LRTM3: variants seen among roughly 807,000 people sequenced by gnomAD.
LRTM3 encodes leucine-rich repeat transmembrane protein 3.
the LRTM3 span, chr13:102,747,105 A>G: frequency 6.4e-7 from 1 of 1,550,958 alleles, no homozygotes; most frequent in Non-Finnish European, 8.7e-7. Context: ...TCATCTTGCA[A>G]TTTAGCATCT....
At chr13:102,749,085 C>A in the LRTM3 span, 6 of 1,549,918 alleles carry the variant, frequency 3.9e-6, no homozygotes, top group Non-Finnish European at 5.2e-6. Context: ...AAAGCTATAT[C>A]TGATATATCT....
At chr13:102,736,749 A>G in the LRTM3 span, 1 of 1,550,666 alleles carries the variant, frequency 6.4e-7, no homozygotes, top group Non-Finnish European at 8.7e-7. Flanking sequence ...ACAGCTATGT[A>G]CTCGGGATGC....
chr13:102,737,153 A>G, the LRTM3 span: 2 of 1,550,956 alleles, frequency 1.3e-6, no homozygotes, highest in African/African-American at 2.7e-5. Flanking sequence ...TTCAGGTTGC[A>G]TTATATAATC....
chr13:102,734,981 A>G, the LRTM3 span: 2 of 1,551,190 alleles, frequency 1.3e-6, no homozygotes, highest in Non-Finnish European at 1.7e-6. Context: ...ATCTGGTGAT[A>G]CCTGGAGTTT....
At chr13:102,730,488 G>A in the LRTM3 span, 1 of 1,551,420 alleles carries the variant, frequency 6.4e-7, no homozygotes, top group Non-Finnish European at 8.7e-7. Context: ...TTTCTTTCTT[G>A]AAACCATACA....
chr13:102,732,106 C>A, the LRTM3 span: 2 of 1,551,336 alleles, frequency 1.3e-6, no homozygotes, highest in Middle Eastern at 1.7e-4. Flanking sequence ...TTGTAAAATT[C>A]TGTTCCCCTT....
At chr13:102,745,393 C>T in the LRTM3 span, 1 of 1,550,594 alleles carries the variant, frequency 6.4e-7, no homozygotes, top group Non-Finnish European at 8.7e-7. Flanking sequence ...CCTTGCTATA[C>T]TTGTTAATGT....
chr13:102,742,434 C>A, the LRTM3 span: 2 of 1,547,524 alleles, frequency 1.3e-6, no homozygotes, highest in Non-Finnish European at 1.7e-6. Flanking sequence ...TTTGGCAGGG[C>A]AAATGTCTTG....
the LRTM3 span, chr13:102,750,496 T>C: frequency 6.2e-6 from 4 of 641,064 alleles, no homozygotes; most frequent in South Asian, 7.7e-5. Flanking sequence ...CAGATCAGCA[T>C]AGAGATAAAT....
chr13:102,738,842 T>A, the LRTM3 span: 1 of 1,550,430 alleles, frequency 6.4e-7, no homozygotes, highest in African/African-American at 1.4e-5. Flanking sequence ...TTCTTTGATG[T>A]TCAACTCTAA....
chr13:102,741,650 C>A, the LRTM3 span: 9 of 1,550,422 alleles, frequency 5.8e-6, 1 homozygote, highest in South Asian at 7.1e-5. Context: ...TTGCTCCTGG[C>A]AAGTCTTCTG....
At chr13:102,731,250 GT>G in the LRTM3 span, 1 of 1,551,340 alleles carries the variant, frequency 6.4e-7, no homozygotes, top group Non-Finnish European at 8.7e-7. Context: ...TGGTGTTTAT[GT>G]TTTGAGTTAG....
At chr13:102,737,876 T>C in the LRTM3 span, 1 of 1,550,852 alleles carries the variant, frequency 6.4e-7, no homozygotes, top group East Asian at 2.5e-5. Context: ...TAGAGAAGAA[T>C]TGGAAGGCAA....
chr13:102,738,115 C>T, the LRTM3 span: 1 of 1,551,074 alleles, frequency 6.4e-7, no homozygotes, highest in Non-Finnish European at 8.7e-7. Flanking sequence ...GATCCATTTT[C>T]CCTGGCTCTT....
chr13:102,753,566 C>A, the LRTM3 span, among the ~76,000 whole-genome samples: 13 of 149,888 alleles, frequency 8.7e-5, no homozygotes, highest in Middle Eastern at 3.2e-3. Flanking sequence ...TGGCCATCTG[C>A]GAGTCAAGGA....
the LRTM3 span, chr13:102,733,980 C>G: frequency 6.4e-7 from 1 of 1,551,386 alleles, no homozygotes; most frequent in Non-Finnish European, 8.7e-7. Context: ...CCTGGAGTGT[C>G]TTTGTCTGTT....
At chr13:102,750,369 TTTCTAAAAAGG>T in the LRTM3 span, 1 of 1,506,734 alleles carries the variant, frequency 6.6e-7, no homozygotes, top group South Asian at 1.3e-5. Context: ...GTAATTCTTT[TTTCTAAAAAGG>T]TGCCAACTCT....
At chr13:102,734,882 T>A in the LRTM3 span, 4 of 1,551,176 alleles carry the variant, frequency 2.6e-6, no homozygotes, top group Admixed American at 7.8e-5. Flanking sequence ...CACGTCATCC[T>A]CTTCCTTGTT....
chr13:102,738,579 C>A, the LRTM3 span: 1 of 1,550,364 alleles, frequency 6.5e-7, no homozygotes, highest in Non-Finnish European at 8.7e-7. Flanking sequence ...TGCCTCTGTT[C>A]TTTTTGCAAT....
Sources: gnomAD v4.1 joint callset for allele counts (sites outside exome capture counted in the v4.1 genomes callset) on GRCh38, gnomAD v4.1.1 for gene constraint, MANE v1.5 for transcripts, NCBI Gene and HGNC (gene_info 2026-07-23, HGNC 2026-07-21) for gene names.